The following CD79A variants were observed in gnomAD, a reference collection of about 807,000 sequenced individuals.
CD79A encodes B-cell antigen receptor complex-associated protein alpha chain.
Under a neutral mutation model 27.4 loss-of-function variants are expected in CD79A, and 16 were observed. The ratio of observed to expected loss-of-function variants is 0.58; its 90% CI spans 0.40 to 0.89. The LOEUF (loss-of-function observed/expected upper bound fraction) is 0.89. Ranked by LOEUF, CD79A falls within the 40% of genes least tolerant of loss-of-function variation. The probability of loss-of-function intolerance (pLI) is 0.00; values close to 1 mark genes in which losing one functional copy is unlikely to be tolerated. For synonymous variants in CD79A, 110 were observed against 132.7 expected, an observed-to-expected ratio of 0.83 and a Z score of 1.18; for missense variants, 237 against 299.7, an observed-to-expected ratio of 0.79 and a Z score of 1.55.
In CD79A at chr19:41,878,918, C is replaced by A. The variant is rs554503910; in HGVS notation, c.80-72C>A. ...CACCCTCTTCCCAGGAGTGCTGGAA[C>A]TGCAGGGGCCAGGGCTGGGGAAATG... On this transcript the variant is annotated intron_variant, in intron 1 of 4. Transcript: ENST00000221972. This position sits in a 1 kb window ranked among gnomAD's most constrained non-coding sequence, Gnocchi z 4.3. 1.6e-6 allele frequency: 2 copies of A among 1,289,870 alleles called. No homozygotes were observed. Among genetic ancestry groups the A allele is most frequent in the South Asian group, 1.2e-5 (1 of 81,498 alleles). 79.9% of individuals were successfully genotyped at this position (1,289,870 alleles called of 1,614,324 possible).
In CD79A at chr19:41,879,135, GT is replaced by G; in HGVS notation, c.226del (p.Trp76GlyfsTer16). The G allele has an allele frequency of 6.2e-7, 1 of 1,614,112 alleles. No individual in the cohort carries two copies. The highest frequency in any genetic ancestry group is 1.1e-5 in the South Asian group (1 of 91,090). On this transcript the variant is annotated frameshift_variant, in exon 2 of 5. Coordinates refer to ENST00000221972, the MANE Select transcript of CD79A (RefSeq NM_001783.4). LOFTEE classifies it high-confidence loss of function. This position sits in a 1 kb window ranked among gnomAD's most constrained non-coding sequence, Gnocchi z 5.1. ...GGCGCGTCCTCCATGGCAACTACAC[GT>G]GGCCCCCTGAGTTCTTGGGCCCGGG... ...WWRVLHGNYTWPPEFLGPGED... is the reference protein window; with the variant it reads ...WWRVLHGNYTXPPEFLGPGED...
In CD79A at chr19:41,879,319, C is replaced by T. The variant is rs1555843608; in HGVS notation, c.379+30C>T. On this transcript the variant is annotated intron_variant, in intron 2 of 4. Transcript: ENST00000221972. The surrounding 1 kb of genome is among the most constrained non-coding windows in gnomAD (Gnocchi z 5.1). The stretch of plus-strand genomic sequence containing the variant: ...GTGGCCCAGCCCTGGCCCCTACTCC[C>T]ACTGTCCCGCTGGGGACACTCGGTT... 4.4e-6 allele frequency: 7 copies of T among 1,598,336 alleles called. No homozygotes were observed. Among genetic ancestry groups the T allele is most frequent in the South Asian group, 1.1e-5 (1 of 90,514 alleles).
In CD79A at chr19:41,879,882, C is replaced by G. The variant is rs1355743027; in HGVS notation, c.498+229C>G. Among the ~76,000 whole-genome samples, 2 of 152,166 alleles carry G rather than the reference C, an allele frequency of 1.3e-5. No individual in the cohort carries two copies. Among genetic ancestry groups the G allele is most frequent in the African/African-American group, 4.8e-5 (2 of 41,420 alleles). ...ATTTAGTTTCCCCTTCTGGGCTGTC[C>G]TCACGTCCACCTCCCCCCAAGAAGA... On this transcript the variant is annotated intron_variant, in intron 3 of 4. Transcript: ENST00000221972. This position sits in a 1 kb window ranked among gnomAD's most constrained non-coding sequence, Gnocchi z 5.1.
In CD79A at chr19:41,877,279, C is replaced by A; in HGVS notation, c.-26C>A. ...CTGGTACCCTGGGACTGCTGCAACT[C>A]AAACTAACCAACCCACTGGGAGAAG... On this transcript the variant is annotated 5_prime_UTR_variant, in exon 1 of 5. Coordinates refer to ENST00000221972, the MANE Select transcript of CD79A (RefSeq NM_001783.4). This position sits in a 1 kb window ranked among gnomAD's most constrained non-coding sequence, Gnocchi z 4.1. 1 of 1,600,418 alleles carries A rather than the reference C, an allele frequency of 6.2e-7. No individual in the cohort carries two copies. Among genetic ancestry groups the A allele is most frequent in the Non-Finnish European group, 8.6e-7 (1 of 1,167,498 alleles).
Position 41,881,113 on chromosome 19 carries a change from G to A in CD79A, c.*133G>A, listed in dbSNP as rs1188244201. Reference sequence around the variant, plus strand: ...GTCATATTCCCCCAGTGGGGGGTGGGAGGGTAACCTCACTCTTCTCCAGGC... The same window carrying A: ...GTCATATTCCCCCAGTGGGGGGTGGAAGGGTAACCTCACTCTTCTCCAGGC... On this transcript the variant is annotated 3_prime_UTR_variant, in exon 5 of 5. Coordinates refer to ENST00000221972, the MANE Select transcript of CD79A (RefSeq NM_001783.4). 11 of 716,130 alleles carry A rather than the reference G, an allele frequency of 1.5e-5. No homozygotes were observed. The highest frequency in any genetic ancestry group is 2.0e-5 in the Admixed American group (1 of 49,786). The allele number at this position is 716,130 out of a possible 1,614,324, so 44.4% of individuals were successfully genotyped here.
Position 41,877,282 on chromosome 19 carries a change from A to T in CD79A, c.-23A>T. The T allele has an allele frequency of 6.2e-7, 1 of 1,605,544 alleles. No homozygotes were observed. Among genetic ancestry groups the T allele is most frequent in the Non-Finnish European group, 8.5e-7 (1 of 1,172,212 alleles). On this transcript the variant is annotated 5_prime_UTR_variant, in exon 1 of 5. Coordinates refer to ENST00000221972, the MANE Select transcript of CD79A (RefSeq NM_001783.4). This position sits in a 1 kb window ranked among gnomAD's most constrained non-coding sequence, Gnocchi z 4.1. The stretch of plus-strand genomic sequence containing the variant: ...GTACCCTGGGACTGCTGCAACTCAA[A>T]CTAACCAACCCACTGGGAGAAGATG...
rs530163712 is a variant in CD79A, at chr19:41,879,665, C to T, written c.498+12C>T. 606 of 1,574,230 alleles carry T rather than the reference C, an allele frequency of 3.8e-4. No homozygotes were observed. The highest frequency in any genetic ancestry group is 5.1e-4 in the Non-Finnish European group (584 of 1,145,800). On this transcript the variant is annotated intron_variant, in intron 3 of 4. Transcript: ENST00000221972. This position sits in a 1 kb window ranked among gnomAD's most constrained non-coding sequence, Gnocchi z 5.1. ...TGCTGCTGTTCAGGGTGAGCCCCCTCGGACCTCTGAGTCAGCCGGGCGAGG... is the reference window on the plus strand; with the variant it reads ...TGCTGCTGTTCAGGGTGAGCCCCCTTGGACCTCTGAGTCAGCCGGGCGAGG...
At chr19:41,880,646 C>CGGGGGGGGGGGGGG in intron 3 of CD79A, 24 bp from the exon 4 acceptor site, 1 of 1,069,104 alleles carries the variant, frequency 9.4e-7, no homozygotes, top group Non-Finnish European at 1.4e-6. Flanking sequence ...CTCACTGAGG[C>CGGGGGGGGGGGGGG]ACCCACCCCA....
In CD79A at chr19:41,878,302, G is replaced by A. The variant is rs1290157906; in HGVS notation, c.80-688G>A. On this transcript the variant is annotated intron_variant, in intron 1 of 4. Transcript: ENST00000221972. This position sits in a 1 kb window ranked among gnomAD's most constrained non-coding sequence, Gnocchi z 4.3. ...GGGTCACAGGCCAGGGCAGGCCACA[G>A]ACTGGCTCCTCAGCCCAGGCAGGGA... is the stretch of plus-strand genomic sequence containing the variant. Among the ~76,000 whole-genome samples, 2 of 152,196 alleles carry A rather than the reference G, an allele frequency of 1.3e-5. No individual in the cohort carries two copies. Among genetic ancestry groups the A allele is most frequent in the African/African-American group, 4.8e-5 (2 of 41,448 alleles).
At position 41,881,005 on chromosome 19, in the gene CD79A, C is replaced by G; in HGVS notation, c.*25C>G. ...ACACCCCTACTCCTGCCAGGCTGCC[C>G]CCGCCTGCTGTGCACCCAGCTCCAG... On this transcript the variant is annotated 3_prime_UTR_variant, in exon 5 of 5. Transcript: ENST00000221972. 1 of 1,391,262 alleles carries G rather than the reference C, an allele frequency of 7.2e-7. No individual in the cohort carries two copies. The highest frequency in any genetic ancestry group is 9.9e-7 in the Non-Finnish European group (1 of 1,006,584). The allele number at this position is 1,391,262 out of a possible 1,614,324, so 86.2% of individuals were successfully genotyped here. A position where few individuals can be genotyped will look rare whatever the true frequency, so the allele number is the denominator to read the frequency against.
rs764758292 is a variant in CD79A at position 41,879,074 on chromosome 19, C to T, written c.164C>T (p.Pro55Leu). 92 of 1,613,882 alleles carry T rather than the reference C, an allele frequency of 5.7e-5. No homozygotes were observed. The highest frequency in any genetic ancestry group is 7.6e-5 in the Non-Finnish European group (90 of 1,179,998). Residue 55 changes from proline to leucine, a missense_variant, in exon 2 of 5, where the codon CCG becomes CTG. Pro to Leu is a moderately conservative substitution (Grantham distance 98). Coordinates refer to ENST00000221972, the MANE Select transcript of CD79A (RefSeq NM_001783.4). The surrounding 1 kb of genome is among the most constrained non-coding windows in gnomAD (Gnocchi z 5.1). The stretch of plus-strand genomic sequence containing the variant: ...GGGGAAGACGCCCACTTCCAATGCC[C>T]GCACAATAGCAGCAACAACGCCAAC... Reference protein sequence around the residue: ...SLGEDAHFQCPHNSSNNANVT... With the variant: ...SLGEDAHFQCLHNSSNNANVT...
At position 41,880,657 on chromosome 19, in the gene CD79A, C is replaced by A; in HGVS notation, c.499-13C>A. 1.3e-5 allele frequency: 18 copies of A among 1,431,976 alleles called. No individual in the cohort carries two copies. The highest frequency in any genetic ancestry group is 1.4e-5 in the Non-Finnish European group (15 of 1,039,064). 88.7% of individuals were successfully genotyped at this position (1,431,976 alleles called of 1,614,324 possible). A position where few individuals can be genotyped will look rare whatever the true frequency, so the allele number is the denominator to read the frequency against. On this transcript the variant is annotated splice_polypyrimidine_tract_variant and intron_variant, in intron 3 of 4. Coordinates refer to ENST00000221972, the MANE Select transcript of CD79A (RefSeq NM_001783.4). ...CCTGCTCACTGAGGCACCCACCCCA[C>A]CCACCCCTACAGAAACGATGGCAGA...
chr19:41,880,499 AG>A (rs2074217034), intron 3 of CD79A, among the ~76,000 whole-genome samples, 170 bp from the exon 4 acceptor site: 8 of 147,736 alleles, frequency 5.4e-5, no homozygotes, highest in Non-Finnish European at 8.9e-5. Flanking sequence ...GAAGGAAGGA[AG>A]GAAGGAGAAC....
In CD79A at chr19:41,879,754, A is replaced by C. The variant is rs1039827319; in HGVS notation, c.498+101A>C. The C allele has an allele frequency of 9.5e-6, 7 of 736,332 alleles. No individual in the cohort carries two copies. Among genetic ancestry groups the C allele is most frequent in the Non-Finnish European group, 1.4e-5 (6 of 420,558 alleles). The allele number at this position is 736,332 out of a possible 1,614,324, so 45.6% of individuals were successfully genotyped here. ...TAGAGCCTGAGGTTCCCCATCCAAA[A>C]CTTGGGAGAATGAAAGCACCCACCA... On this transcript the variant is annotated intron_variant, in intron 3 of 4. Transcript: ENST00000221972. This position sits in a 1 kb window ranked among gnomAD's most constrained non-coding sequence, Gnocchi z 5.1.
At position 41,880,496 on chromosome 19, in the gene CD79A, G is replaced by A. The variant is rs937292647; in HGVS notation, c.499-174G>A. ...AGGAAGGAAGGAAGGAAGGAAGGAA[G>A]GAAGGAAGGAGAACACTGGTTGTAG... On this transcript the variant is annotated intron_variant, in intron 3 of 4. Transcript: ENST00000221972. Among the ~76,000 whole-genome samples the A allele has an allele frequency of 5.3e-5, 8 of 149,634 alleles. No homozygotes were observed. The South Asian group carries it at 1.1e-3, about 20-fold the overall frequency.
rs568049610 is a variant in CD79A, at chr19:41,879,459, G to A, written c.380-76G>A. The A allele has an allele frequency of 5.1e-5, 65 of 1,274,656 alleles. No individual in the cohort carries two copies. The African/African-American group carries it at 8.8e-4, about 17-fold the overall frequency. The allele number at this position is 1,274,656 out of a possible 1,614,324, so 79.0% of individuals were successfully genotyped here. A position where few individuals can be genotyped will look rare whatever the true frequency, so the allele number is the denominator to read the frequency against. ...GGGTCTCTGGGGGGTCTGGGGCCTTGCAGGAGGTGGGCGGGGCCAGGAGGC... is the reference window on the plus strand; with the variant it reads ...GGGTCTCTGGGGGGTCTGGGGCCTTACAGGAGGTGGGCGGGGCCAGGAGGC... On this transcript the variant is annotated intron_variant, in intron 2 of 4. Transcript: ENST00000221972. The surrounding 1 kb of genome is among the most constrained non-coding windows in gnomAD (Gnocchi z 5.1).
chr19:41,878,403 C>T lies in CD79A; in HGVS notation c.80-587C>T, dbSNP rs1179468521. On this transcript the variant is annotated intron_variant, in intron 1 of 4. Coordinates refer to ENST00000221972, the MANE Select transcript of CD79A (RefSeq NM_001783.4). The surrounding 1 kb of genome is among the most constrained non-coding windows in gnomAD (Gnocchi z 4.3). ...TGATGCTGGCAACCCGCCTGCCCTCCCAGAGCCTCAGCCATCCCTCCTGTA... is the reference window on the plus strand; with the variant it reads ...TGATGCTGGCAACCCGCCTGCCCTCTCAGAGCCTCAGCCATCCCTCCTGTA... Among the ~76,000 whole-genome samples the T allele has an allele frequency of 2.0e-5, 3 of 152,146 alleles. No homozygotes were observed. In the East Asian group the frequency reaches 5.8e-4, roughly 29 times the overall value.
At chr19:41,880,027 G>A (rs1555843885) in intron 3 of CD79A, among the ~76,000 whole-genome samples, 1 of 152,084 alleles carries the variant, frequency 6.6e-6, no homozygotes, top group African/African-American at 2.4e-5. Flanking sequence ...CAGAATCTCT[G>A]ATCTGTACCA....
Position 41,879,576 on chromosome 19 carries a change from A to G in CD79A, c.421A>G (p.Lys141Glu). The change falls in exon 3 of 5, where the codon AAG becomes GAG. Residue 141 changes from lysine to glutamate, a missense_variant. Transcript: ENST00000221972. The surrounding 1 kb of genome is among the most constrained non-coding windows in gnomAD (Gnocchi z 5.1). ...CTTCCTGGACATGGGGGAGGGCACC[A>G]AGAACCGAATCATCACAGCCGAGGG... ...RPFLDMGEGT[K>E]NRIITAEGII... is the part of the protein sequence containing the mutation. 3 of 1,612,002 alleles carry G rather than the reference A, an allele frequency of 1.9e-6. No individual in the cohort carries two copies. Among genetic ancestry groups the G allele is most frequent in the Non-Finnish European group, 2.5e-6 (3 of 1,179,320 alleles).
Sources: gnomAD v4.1 joint callset for allele counts (sites outside exome capture counted in the v4.1 genomes callset) on GRCh38, gnomAD v4.1.1 for gene constraint, Gnocchi (gnomAD v3.1) non-coding constraint, MANE v1.5 for transcripts, NCBI Gene and HGNC (gene_info 2026-07-23, HGNC 2026-07-21) for gene names.